Variants in PIEZO2 observed in about 807,000 individuals in gnomAD.
The protein encoded by PIEZO2 is piezo-type mechanosensitive ion channel component 2.
Under a neutral mutation model 337.3 loss-of-function variants are expected in PIEZO2, and 172 were observed. The observed-to-expected ratio is 0.51, with a 90% CI of 0.45 to 0.58. The LOEUF (loss-of-function observed/expected upper bound fraction) is 0.58. PIEZO2 is among the 20% of genes least tolerant of loss of function. The probability of loss-of-function intolerance (pLI) is 0.00; values close to 1 mark genes in which losing one functional copy is unlikely to be tolerated. For synonymous variants in PIEZO2, 1,251 were observed against 1,228.5 expected, an observed-to-expected ratio of 1.02 and a Z score of -0.38; for missense variants, 3,028 against 3,391.3, an observed-to-expected ratio of 0.89 and a Z score of 2.66.
chr18:10,726,601 T>A lies in PIEZO2; in HGVS notation c.5029+4806A>T, dbSNP rs1012032685. 74 of 1,342,930 alleles carry A rather than the reference T, an allele frequency of 5.5e-5. No homozygotes were observed. In the South Asian group the frequency reaches 1.1e-3, roughly 19 times the overall value. The allele number at this position is 1,342,930 out of a possible 1,614,324, so 83.2% of individuals were successfully genotyped here. ...CCAGCTCTTCCAGGACCTGGCGCGC[T>A]ACGTGCGGGACGCCGACGTGCGCTG... On this transcript the variant is annotated intron_variant, in intron 36 of 55. Coordinates refer to ENST00000674853, the MANE Select transcript of PIEZO2 (RefSeq NM_001378183.1). The surrounding 1 kb of genome is among the most constrained non-coding windows in gnomAD (Gnocchi z 5.9).
intron 7 of PIEZO2, among the ~76,000 whole-genome samples, chr18:10,839,493 G>T (rs779065639): frequency 1.3e-5 from 2 of 152,176 alleles, no homozygotes; most frequent in Admixed American, 6.5e-5. Flanking sequence ...ACTAGCTCTG[G>T]TCTGTTAAGC....
At position 11,097,035 on chromosome 18, in the gene PIEZO2, T is replaced by C. The variant is rs372555216; in HGVS notation, c.65-30813A>G. ...TAGGACACTGTCAGATAAAAATAGC[T>C]AATGAGTTAAGTCTGTCTCCAGTGT... On this transcript the variant is annotated intron_variant, in intron 1 of 55. Transcript: ENST00000674853. This position sits in a 1 kb window ranked among gnomAD's most constrained non-coding sequence, Gnocchi z 5.0. Among the ~76,000 whole-genome samples the C allele has an allele frequency of 1.0e-3, 157 of 152,298 alleles. No homozygotes were observed. Among genetic ancestry groups the C allele is most frequent in the African/African-American group, 3.6e-3 (151 of 41,572 alleles).
intron 3 of PIEZO2, among the ~76,000 whole-genome samples, chr18:10,970,341 A>G (rs2034184785): frequency 6.6e-6 from 1 of 152,218 alleles, no homozygotes; most frequent in South Asian, 2.1e-4. Flanking sequence ...GGTAGGGAGA[A>G]GTACAGAAAT....
At chr18:10,915,653 C>CTG (rs2030877046) in intron 3 of PIEZO2, among the ~76,000 whole-genome samples, 1 of 152,104 alleles carries the variant, frequency 6.6e-6, no homozygotes, top group Non-Finnish European at 1.5e-5. Context: ...CTCAAATACT[C>CTG]TGTGAAATTA....
intron 1 of PIEZO2, among the ~76,000 whole-genome samples, chr18:11,081,220 C>A (rs2038728395): frequency 6.6e-6 from 1 of 152,146 alleles, no homozygotes; most frequent in Admixed American, 6.5e-5. Context: ...ACATTCAATG[C>A]AAATTCTGTT....
At position 10,746,623 on chromosome 18, in the gene PIEZO2, G is replaced by A. The variant is rs2037433753; in HGVS notation, c.4424+1848C>T. Among the ~76,000 whole-genome samples, 1 of 152,170 alleles carries A rather than the reference G, an allele frequency of 6.6e-6. No individual in the cohort carries two copies. Among genetic ancestry groups the A allele is most frequent in the South Asian group, 2.1e-4 (1 of 4,832 alleles). On this transcript the variant is annotated intron_variant, in intron 30 of 55. Coordinates refer to ENST00000674853, the MANE Select transcript of PIEZO2 (RefSeq NM_001378183.1). The surrounding 1 kb of genome is among the most constrained non-coding windows in gnomAD (Gnocchi z 4.2). ...ATGTGGAAATCCTGACTCCCAAGGT[G>A]ACGGACAGGAGGTAAGGCCTTTTGG...
rs1007625048 is a variant in PIEZO2 at position 11,002,318 on chromosome 18, C to G, written c.161-22658G>C. Among the ~76,000 whole-genome samples the G allele has an allele frequency of 6.6e-6, 1 of 152,172 alleles. No individual in the cohort carries two copies. The highest frequency in any genetic ancestry group is 1.5e-5 in the Non-Finnish European group (1 of 68,028). On this transcript the variant is annotated intron_variant, in intron 2 of 55. Coordinates refer to ENST00000674853, the MANE Select transcript of PIEZO2 (RefSeq NM_001378183.1). The surrounding 1 kb of genome is among the most constrained non-coding windows in gnomAD (Gnocchi z 4.3). ...AGGCTGTAGTTTGCTGATCCCTGCT[C>G]TAGCTGGAGAAAGCATACTTCAGAG...
chr18:10,737,677 T>C (rs1034725402), intron 33 of PIEZO2: 2 of 152,224 alleles, frequency 1.3e-5, no homozygotes, highest in Non-Finnish European at 2.9e-5. Flanking sequence ...TTTAAGGAAA[T>C]TTAATAAATT....
chr18:10,889,544 A>T (rs1020013018), intron 4 of PIEZO2, among the ~76,000 whole-genome samples: 1 of 152,224 alleles, frequency 6.6e-6, no homozygotes, highest in Non-Finnish European at 1.5e-5. Context: ...TGCATTTTAC[A>T]GTAACCTCAT....
intron 42 of PIEZO2, chr18:10,704,148 G>T: frequency 1.9e-6 from 1 of 538,200 alleles, no homozygotes; most frequent in Non-Finnish European, 3.3e-6. Flanking sequence ...TGTTAAATGG[G>T]AATGATGCCA....
intron 2 of PIEZO2, among the ~76,000 whole-genome samples, chr18:11,036,067 C>T (rs2036916532): frequency 6.6e-6 from 1 of 152,182 alleles, no homozygotes; most frequent in Non-Finnish European, 1.5e-5. Context: ...TAATTAGAGG[C>T]CCAGGTCACA....
At chr18:10,941,815 CT>C in intron 3 of PIEZO2, among the ~76,000 whole-genome samples, 1 of 152,224 alleles carries the variant, frequency 6.6e-6, no homozygotes. Flanking sequence ...ACCAAAATGA[CT>C]GATACCGTTT....
rs1230811984 is a variant in PIEZO2 at position 11,092,858 on chromosome 18, C to A, written c.65-26636G>T. ...GCCACATATCTGTCCAGGGAGCAAT[C>A]GCCAGCTCTCACATCTCTTGCTATT... On this transcript the variant is annotated intron_variant, in intron 1 of 55. Coordinates refer to ENST00000674853, the MANE Select transcript of PIEZO2 (RefSeq NM_001378183.1). This position sits in a 1 kb window ranked among gnomAD's most constrained non-coding sequence, Gnocchi z 4.5. Among the ~76,000 whole-genome samples, 2 of 152,286 alleles carry A rather than the reference C, an allele frequency of 1.3e-5. No homozygotes were observed. Among genetic ancestry groups the A allele is most frequent in the South Asian group, 2.1e-4 (1 of 4,824 alleles).
intron 3 of PIEZO2, among the ~76,000 whole-genome samples, chr18:10,976,888 C>G (rs2034460153): frequency 6.6e-6 from 1 of 152,072 alleles, no homozygotes; most frequent in African/African-American, 2.4e-5. Flanking sequence ...CCTCCCTTCA[C>G]CATCACCTCC....
chr18:10,924,341 G>T (rs1044058506), intron 3 of PIEZO2, among the ~76,000 whole-genome samples: 3 of 152,046 alleles, frequency 2.0e-5, no homozygotes, highest in Admixed American at 2.0e-4. Context: ...ATTATCCTAG[G>T]GGAAAAGCAT....
rs1240759066 is a variant in PIEZO2, at chr18:10,837,791, G to A, written c.917+17562C>T. Among the ~76,000 whole-genome samples the A allele has an allele frequency of 7.9e-5, 12 of 151,628 alleles. No homozygotes were observed. The highest frequency in any genetic ancestry group is 1.9e-4 in the East Asian group (1 of 5,148). On this transcript the variant is annotated intron_variant, in intron 7 of 55. Coordinates refer to ENST00000674853, the MANE Select transcript of PIEZO2 (RefSeq NM_001378183.1). This position sits in a 1 kb window ranked among gnomAD's most constrained non-coding sequence, Gnocchi z 4.4. ...TGTTGAGATGAAGTCTCACTCTGTC[G>A]CCCAGGCTGGAGTGCAATGGTGCAA...
Position 10,762,485 on chromosome 18 carries a change from C to T in PIEZO2, c.3249+15G>A, listed in dbSNP as rs371931084. On this transcript the variant is annotated intron_variant, in intron 23 of 55. Transcript: ENST00000674853. ...ACGGAGTGGAGGCCCAAACTAAGCACGACAAAGCCATTACCCTCAGGTAGA... is the reference window on the plus strand; with the variant it reads ...ACGGAGTGGAGGCCCAAACTAAGCATGACAAAGCCATTACCCTCAGGTAGA... 33 of 1,535,682 alleles carry T rather than the reference C, an allele frequency of 2.1e-5. No individual in the cohort carries two copies. Among genetic ancestry groups the T allele is most frequent in the South Asian group, 9.6e-5 (8 of 83,588 alleles).
chr18:11,015,298 T>C (rs1469817423), intron 2 of PIEZO2, among the ~76,000 whole-genome samples: 1 of 145,996 alleles, frequency 6.8e-6, no homozygotes. Context: ...TGTGGGGCAC[T>C]TCACCCAGAT....
intron 3 of PIEZO2, among the ~76,000 whole-genome samples, chr18:10,967,018 G>T (rs9748878): frequency 0.5 from 60,957 of 122,180 alleles, 14,672 homozygotes; most frequent in Non-Finnish European, 0.53. Flanking sequence ...TCTGTTTTTT[G>T]TTTTTTTTTT....
Sources: allele counts gnomAD v4.1 joint callset (sites outside exome capture counted in the v4.1 genomes callset), GRCh38; gene constraint gnomAD v4.1.1; non-coding constraint Gnocchi (gnomAD v3.1); transcripts MANE v1.5; gene names NCBI Gene and HGNC (gene_info 2026-07-23, HGNC 2026-07-21).